Variants in PDGFD observed in about 807,000 individuals in gnomAD.
The protein encoded by PDGFD is platelet-derived growth factor D.
A neutral mutation model predicts 44.7 loss-of-function variants in PDGFD; 30 were observed. The observed-to-expected ratio is 0.67, with a 90% CI of 0.50 to 0.91. The LOEUF is 0.91. Among genes scored for constraint, PDGFD ranks in the 40% least tolerant of loss-of-function variants. The pLI is 0.00. For missense variants in PDGFD, 445 were observed against 457.8 expected (o/e 0.97, Z 0.25); for synonymous variants, 173 against 168.4 (o/e 1.03, Z -0.21).
chr11:104,034,794 CACA>C (rs1477504654), intron 1 of PDGFD, among the ~76,000 whole-genome samples: 1 of 152,054 alleles, frequency 6.6e-6, no homozygotes, highest in Non-Finnish European at 1.5e-5. Context: ...AGGCGCCCAC[CACA>C]ACGCCTGGCT....
At chr11:103,993,249 T>G (rs1228355842) in intron 3 of PDGFD, among the ~76,000 whole-genome samples, 1 of 151,904 alleles carries the variant, frequency 6.6e-6, no homozygotes, top group African/African-American at 2.4e-5. Context: ...GTTTTGTTTT[T>G]CACTTTTTGT....
intron 3 of PDGFD, among the ~76,000 whole-genome samples, chr11:103,994,913 T>C (rs1358578185): frequency 6.6e-6 from 1 of 151,630 alleles, no homozygotes; most frequent in Non-Finnish European, 1.5e-5. Flanking sequence ...AGGGTCTTGC[T>C]TTGTTACCCA....
intron 5 of PDGFD, among the ~76,000 whole-genome samples, chr11:103,929,823 C>T (rs1363748212): frequency 6.6e-6 from 1 of 152,090 alleles, no homozygotes; most frequent in African/African-American, 2.4e-5. Context: ...GAGCAGGGAG[C>T]CAGACAGAGG....
At chr11:104,085,199 C>T (rs556090700) in intron 1 of PDGFD, among the ~76,000 whole-genome samples, 100 of 152,044 alleles carry the variant, frequency 6.6e-4, no homozygotes, top group African/African-American at 2.2e-3. Context: ...CACAAAGAAA[C>T]CCCCTTGTGT....
intron 1 of PDGFD, among the ~76,000 whole-genome samples, chr11:104,005,204 A>G (rs963531423): frequency 1.3e-5 from 2 of 152,156 alleles, no homozygotes; most frequent in African/African-American, 4.8e-5. Context: ...ACAGATGAAA[A>G]TTCTGGGGAA....
rs1861705322 is a variant in PDGFD at position 104,119,136 on chromosome 11, A to ATATCG, written c.124+44667_124+44668insCGATA. On this transcript the variant is annotated intron_variant, in intron 1 of 6. Coordinates refer to ENST00000393158, the MANE Select transcript of PDGFD (RefSeq NM_025208.5). ...AATATAATATATTGATATAATATAT[A>ATATCG]ATATATTAATATAATATATTGATAT... 1.2e-4 allele frequency among the ~76,000 whole-genome samples: 3 copies of ATATCG among 24,638 alleles called. 1 individual carries two copies. The highest frequency in any genetic ancestry group is 3.8e-4 in the African/African-American group (3 of 7,844). 16.2% of individuals were successfully genotyped at this position (24,638 alleles called of 152,430 possible).
At chr11:103,914,018 T>A (rs748051755) in intron 6 of PDGFD, among the ~76,000 whole-genome samples, 3 of 117,670 alleles carry the variant, frequency 2.5e-5, no homozygotes, top group Non-Finnish European at 5.7e-5. Context: ...GAAGTAGGGG[T>A]CAGGGGGCAA....
At chr11:103,979,352 T>C (rs1859231695) in intron 3 of PDGFD, among the ~76,000 whole-genome samples, 1 of 152,072 alleles carries the variant, frequency 6.6e-6, no homozygotes, top group South Asian at 2.1e-4. Context: ...TTTCTTCCTA[T>C]GTGAATCATT....
rs367881180 is a variant in PDGFD at position 103,955,024 on chromosome 11, C to T, written c.511-7300G>A. Among the ~76,000 whole-genome samples the T allele has an allele frequency of 6.5e-3, 974 of 150,178 alleles. 12 individuals are homozygous for T. The highest frequency in any genetic ancestry group is 0.022 in the African/African-American group (921 of 41,014). On this transcript the variant is annotated intron_variant, in intron 3 of 6. Transcript: ENST00000393158. ...CTAAAAATACAAAAAATTAGCCGGG[C>T]GTAGTGGCGGGCGCCTGTAGTCCCA...
intron 1 of PDGFD, among the ~76,000 whole-genome samples, chr11:104,058,259 T>A (rs1360511528): frequency 6.6e-6 from 1 of 152,166 alleles, no homozygotes; most frequent in Non-Finnish European, 1.5e-5. Flanking sequence ...ACATGATAAA[T>A]GTCGAAATAT....
intron 1 of PDGFD, among the ~76,000 whole-genome samples, chr11:104,018,019 G>A (rs1374075805): frequency 6.6e-6 from 1 of 152,048 alleles, no homozygotes; most frequent in African/African-American, 2.4e-5. Flanking sequence ...TGATAAATGG[G>A]AATGGAGGAA....
chr11:103,990,354 C>T (rs1485614131), intron 3 of PDGFD, among the ~76,000 whole-genome samples: 6 of 152,198 alleles, frequency 3.9e-5, no homozygotes, highest in Admixed American at 2.0e-4. Flanking sequence ...TTCAGGTCTC[C>T]ATTGAAATTT....
chr11:104,085,354 C>T (rs951956335), intron 1 of PDGFD, among the ~76,000 whole-genome samples: 15 of 152,148 alleles, frequency 9.9e-5, no homozygotes, highest in Admixed American at 5.2e-4. Flanking sequence ...CTCAGCTAAA[C>T]GTCCTTGAGG....
chr11:104,025,082 A>T (rs1485473591), intron 1 of PDGFD, among the ~76,000 whole-genome samples: 1 of 152,246 alleles, frequency 6.6e-6, no homozygotes, highest in Non-Finnish European at 1.5e-5. Flanking sequence ...TGGAGACTCA[A>T]ACCTTGGCAC....
At chr11:104,090,539 G>T (rs1861197317) in intron 1 of PDGFD, among the ~76,000 whole-genome samples, 1 of 151,118 alleles carries the variant, frequency 6.6e-6, no homozygotes, top group African/African-American at 2.4e-5. Flanking sequence ...TGAGGCAGGA[G>T]AATCACTTGT....
Position 104,000,194 on chromosome 11 carries a change from G to C in PDGFD, c.186C>G (p.Gly62=), listed in dbSNP as rs200532175. 1.9e-6 allele frequency: 3 copies of C among 1,614,082 alleles called. No homozygotes were observed. In the East Asian group the frequency reaches 6.7e-5, roughly 36 times the overall value. Reference sequence around the variant, plus strand: ...TCGGGAATCTAGGACTCTGCACGTAGCCGTTTCCTTTCACCTGGATGGTCT... The same window carrying C: ...TCGGGAATCTAGGACTCTGCACGTACCCGTTTCCTTTCACCTGGATGGTCT... ...RDETIQVKGN[G]YVQSPRFPNS... The change falls in exon 2 of 7, where the codon GGC becomes GGG. Residue 62 remains glycine, a synonymous_variant. Coordinates refer to ENST00000393158, the MANE Select transcript of PDGFD (RefSeq NM_025208.5).
At chr11:103,969,118 C>A (rs1454898584) in intron 3 of PDGFD, among the ~76,000 whole-genome samples, 1 of 152,168 alleles carries the variant, frequency 6.6e-6, no homozygotes, top group Admixed American at 6.6e-5. Flanking sequence ...TATACTTTTT[C>A]ATCAACTTTC....
chr11:103,986,480 C>G (rs1269499063), intron 3 of PDGFD, among the ~76,000 whole-genome samples: 3 of 152,144 alleles, frequency 2.0e-5, no homozygotes, highest in African/African-American at 4.8e-5. Flanking sequence ...TATTACTGCC[C>G]CAGCCCACAG....
At chr11:104,133,807 C>T (rs1169223649) in intron 1 of PDGFD, among the ~76,000 whole-genome samples, 1 of 152,080 alleles carries the variant, frequency 6.6e-6, no homozygotes, top group African/African-American at 2.4e-5. Context: ...AACTGAGGCT[C>T]GAAGAGGCTC....
Sources: gnomAD v4.1 joint callset for allele counts (sites outside exome capture counted in the v4.1 genomes callset) on GRCh38, gnomAD v4.1.1 for gene constraint, MANE v1.5 for transcripts, NCBI Gene and HGNC (gene_info 2026-07-23, HGNC 2026-07-21) for gene names.